DDX10: variants seen among roughly 807,000 people sequenced by gnomAD.
DDX10 encodes DEAD-box helicase 10.
Under a neutral mutation model 104.3 loss-of-function variants are expected in DDX10, and 74 were observed. That is an observed-to-expected ratio of 0.71 (90% CI 0.59 to 0.86). DDX10 has a LOEUF of 0.86. DDX10 is among the 40% of genes least tolerant of loss of function. DDX10 has a pLI of 0.00. For missense variants in DDX10, 952 were observed against 1,040.0 expected (o/e 0.92, Z 1.16); for synonymous variants, 351 against 353.4 (o/e 0.99, Z 0.08).
intron 17 of DDX10, chr11:108,918,625 CA>C (rs1197955851): frequency 6.6e-6 from 1 of 152,008 alleles, no homozygotes; most frequent in African/African-American, 2.4e-5. Context: ...CCCAAATCTA[CA>C]AAAACAAATT....
chr11:108,686,846 A>G (rs1444182231), intron 6 of DDX10, among the ~76,000 whole-genome samples: 3 of 151,864 alleles, frequency 2.0e-5, no homozygotes, highest in Non-Finnish European at 4.4e-5. Flanking sequence ...GTGCAGTGGC[A>G]TAATCTCCCT....
chr11:108,793,225 C>G (rs1565280044), intron 13 of DDX10, among the ~76,000 whole-genome samples: 1 of 152,116 alleles, frequency 6.6e-6, no homozygotes, highest in Admixed American at 6.5e-5. Flanking sequence ...CCTGGGAGTG[C>G]AAAATGGAAT....
chr11:108,816,409 G>T (rs541866727), intron 13 of DDX10, among the ~76,000 whole-genome samples: 2 of 152,182 alleles, frequency 1.3e-5, no homozygotes, highest in South Asian at 2.1e-4. Context: ...CCAAGAACCC[G>T]TGAGTTTTCT....
chr11:108,885,391 A>C, intron 16 of DDX10, among the ~76,000 whole-genome samples: 4 of 130,876 alleles, frequency 3.1e-5, no homozygotes, highest in African/African-American at 5.9e-5. Flanking sequence ...GGAGTCTCGC[A>C]CTCTCACCCA....
chr11:108,731,587 G>A (rs779087637), intron 13 of DDX10, among the ~76,000 whole-genome samples: 4 of 148,922 alleles, frequency 2.7e-5, no homozygotes, highest in East Asian at 2.0e-4. Flanking sequence ...ATCATGGCTC[G>A]CTGCAGCCTC....
At chr11:108,801,663 G>A (rs1372996376) in intron 13 of DDX10, among the ~76,000 whole-genome samples, 4 of 152,126 alleles carry the variant, frequency 2.6e-5, no homozygotes, top group East Asian at 3.9e-4. Context: ...AAGAATTTGA[G>A]GATGGTTTTA....
In DDX10 at chr11:108,940,246, T is replaced by G. The variant is rs951615277; in HGVS notation, c.2451T>G (p.Ser817Arg). ...SDSEDMENKISDTKKKQGMKK... is the reference protein window; with the variant it reads ...SDSEDMENKIRDTKKKQGMKK... Reference sequence around the variant, plus strand: ...AAATCTTTGGATTTCTTCTCACCAGTGATACCAAGAAGAAGCAGGGGATGA... The same window carrying G: ...AAATCTTTGGATTTCTTCTCACCAGGGATACCAAGAAGAAGCAGGGGATGA... The change falls in exon 18 of 18, where the codon AGT becomes AGG. Residue 817 changes from serine (S) to arginine (R), a missense_variant and splice_region_variant. Around this residue, in one of 3 missense-constraint regions of DDX10, gnomAD observed 533 missense variants for 534.1 expected, o/e 1.00. Transcript: ENST00000322536. 1 of 1,613,560 alleles carries G rather than the reference T, an allele frequency of 6.2e-7. No individual in the cohort carries two copies. Among genetic ancestry groups the G allele is most frequent in the African/African-American group, 1.3e-5 (1 of 74,888 alleles).
chr11:108,845,622 A>G (rs1259505508), intron 15 of DDX10, among the ~76,000 whole-genome samples: 1 of 152,186 alleles, frequency 6.6e-6, no homozygotes, highest in East Asian at 1.9e-4. Context: ...TTTGACCCAA[A>G]GTTGTGAATA....
chr11:108,837,868 C>T (rs1164351126), intron 13 of DDX10, among the ~76,000 whole-genome samples: 2 of 152,024 alleles, frequency 1.3e-5, no homozygotes, highest in Admixed American at 6.6e-5. Flanking sequence ...GGTGATCCAC[C>T]TGCCTTGGCC....
Position 108,810,333 on chromosome 11 carries a change from C to T in DDX10, c.1966-28113C>T, listed in dbSNP as rs545915136. Among the ~76,000 whole-genome samples, 9 of 152,112 alleles carry T rather than the reference C, an allele frequency of 5.9e-5. 1 individual carries two copies. The South Asian group carries it at 1.9e-3, about 32-fold the overall frequency. ...AAAGATGATTAGTTTTTACAGTATT[C>T]CTTTCGAACCTATTGGGTTTTTTTT... On this transcript the variant is annotated intron_variant, in intron 13 of 17. Transcript: ENST00000322536.
chr11:108,672,281 C>T (rs972566241), intron 1 of DDX10, among the ~76,000 whole-genome samples: 4 of 152,206 alleles, frequency 2.6e-5, no homozygotes, highest in East Asian at 1.9e-4. Context: ...TGGCAGCCTG[C>T]CTCCTTCTGT....
chr11:108,781,169 T>A (rs2094377631), intron 13 of DDX10, among the ~76,000 whole-genome samples: 1 of 152,178 alleles, frequency 6.6e-6, no homozygotes, highest in Non-Finnish European at 1.5e-5. Flanking sequence ...TTTGGTTTTC[T>A]GTTCCTGTGT....
intron 13 of DDX10, among the ~76,000 whole-genome samples, chr11:108,749,665 G>A (rs1408300849): frequency 1.3e-5 from 2 of 152,112 alleles, no homozygotes; most frequent in East Asian, 1.9e-4. Context: ...TGTAAAATTT[G>A]TCAATGAAGT....
intron 6 of DDX10, among the ~76,000 whole-genome samples, chr11:108,684,141 C>CT (rs56168476): frequency 0.49 from 15,171 of 31,242 alleles, 4,199 homozygotes; most frequent in Non-Finnish European, 0.59. Flanking sequence ...ATTTCCAGTT[C>CT]TTTTTTTTTT....
At chr11:108,808,211 T>G in intron 13 of DDX10, among the ~76,000 whole-genome samples, 1 of 152,168 alleles carries the variant, frequency 6.6e-6, no homozygotes, top group South Asian at 2.1e-4. Flanking sequence ...TTGCGGAGTT[T>G]TTTTTACAAA....
intron 16 of DDX10, among the ~76,000 whole-genome samples, chr11:108,859,723 G>T (rs1243391183): frequency 6.6e-6 from 1 of 152,160 alleles, no homozygotes; most frequent in Non-Finnish European, 1.5e-5. Context: ...TTGAATCATT[G>T]TGGTCAGTTT....
intron 6 of DDX10, among the ~76,000 whole-genome samples, chr11:108,687,757 C>T (rs896172987): frequency 7.2e-5 from 11 of 152,112 alleles, no homozygotes; most frequent in Admixed American, 6.5e-5. Flanking sequence ...TAGTGTGTTT[C>T]ACAGATCAGA....
intron 13 of DDX10, among the ~76,000 whole-genome samples, chr11:108,764,979 C>A (rs565369373): frequency 6.6e-6 from 1 of 152,092 alleles, no homozygotes; most frequent in Non-Finnish European, 1.5e-5. Flanking sequence ...CAAATGAAAA[C>A]AAATTTACAT....
chr11:108,892,662 A>G (rs1287412739), intron 16 of DDX10, among the ~76,000 whole-genome samples: 4 of 152,190 alleles, frequency 2.6e-5, no homozygotes, highest in Non-Finnish European at 5.9e-5. Flanking sequence ...CTAGTGAAAA[A>G]TATATTTAAA....
Sources: gnomAD v4.1 joint callset for allele counts (sites outside exome capture counted in the v4.1 genomes callset) on GRCh38, gnomAD v4.1.1 for gene constraint, gnomAD v4.1.1 regional missense constraint, MANE v1.5 for transcripts, NCBI Gene and HGNC (gene_info 2026-07-23, HGNC 2026-07-21) for gene names.